The following HTR2C variants were observed in gnomAD, a reference collection of about 807,000 sequenced individuals.
HTR2C encodes 5-hydroxytryptamine (serotonin) receptor 2C, G protein-coupled.
In HTR2C, 5 loss-of-function variants were observed where a neutral mutation model predicts 21.0. That is an observed-to-expected ratio of 0.24 (90% CI 0.12 to 0.50). The LOEUF (loss-of-function observed/expected upper bound fraction) is 0.50, where lower values mean the gene tolerates loss of function less well. Ranked by LOEUF, HTR2C falls within the 20% of genes least tolerant of loss-of-function variation. The probability of loss-of-function intolerance (pLI) is 0.98; values close to 1 mark genes in which losing one functional copy is unlikely to be tolerated. For missense variants in HTR2C, 271 were observed against 371.2 expected, an observed-to-expected ratio of 0.73 and a Z score of 2.22; for synonymous variants, 150 against 145.3, an observed-to-expected ratio of 1.03 and a Z score of -0.23.
intron 4 of HTR2C, among the ~76,000 whole-genome samples, chrX:114,764,797 G>T (rs1005242274): frequency 2.7e-5 from 3 of 111,157 alleles, no homozygotes; most frequent in Non-Finnish European, 3.8e-5. Context: ...GTAGTGTCCA[G>T]TTCTGGTGAT....
At position 114,726,852 on chromosome X, in the gene HTR2C, C is replaced by A. The variant is rs1933512440; in HGVS notation, c.-79-6C>A. On this transcript the variant is annotated splice_polypyrimidine_tract_variant and splice_region_variant and intron_variant, in intron 2 of 5. Transcript: ENST00000276198. ...AATTTTCTCTTTCTTCTTTTTCTCT[C>A]CCCAGAAAGGATGATATGATGAACC... The A allele has an allele frequency of 5.2e-6, 3 of 579,602 alleles. No individual in the cohort carries two copies. Among genetic ancestry groups the A allele is most frequent in the Admixed American group, 8.6e-5 (2 of 23,164 alleles). The allele number at this position is 579,602 out of a possible 1,213,427, so 47.8% of individuals were successfully genotyped here.
At chrX:114,831,756 G>C (rs2070730720) in intron 4 of HTR2C, among the ~76,000 whole-genome samples, 1 of 105,785 alleles carries the variant, frequency 9.5e-6, no homozygotes, top group African/African-American at 3.4e-5. Flanking sequence ...TGATGTTTTA[G>C]ACATGAAGTC....
In HTR2C at chrX:114,695,592, A is replaced by G. The variant is rs184523936; in HGVS notation, c.-79-31266A>G. Among the ~76,000 whole-genome samples, 678 of 112,207 alleles carry G rather than the reference A, an allele frequency of 6.0e-3. 1 individual carries two copies. Among genetic ancestry groups the G allele is most frequent in the Non-Finnish European group, 9.5e-3 (506 of 53,250 alleles). ...GTATTATATAATTCCTAGCACCATG[A>G]TATTTATTCACTGAAATCTTTTGAA... On this transcript the variant is annotated intron_variant, in intron 2 of 5. Coordinates refer to ENST00000276198, the MANE Select transcript of HTR2C (RefSeq NM_000868.4).
chrX:114,679,271 T>A (rs1344577753), intron 2 of HTR2C, among the ~76,000 whole-genome samples: 5 of 110,835 alleles, frequency 4.5e-5, no homozygotes, highest in African/African-American at 1.6e-4. Flanking sequence ...ATTTTTATTT[T>A]TTAAATTTAT....
intron 5 of HTR2C, among the ~76,000 whole-genome samples, chrX:114,890,231 T>C (rs2071249235): frequency 8.9e-6 from 1 of 112,066 alleles, no homozygotes; most frequent in Admixed American, 9.5e-5. Flanking sequence ...TCTACTTACT[T>C]CTTAGAACAA....
Position 114,725,566 on chromosome X carries a change from C to T in HTR2C, c.-79-1292C>T, listed in dbSNP as rs782354812. Among the ~76,000 whole-genome samples the T allele has an allele frequency of 4.4e-5, 5 of 112,414 alleles. No individual in the cohort carries two copies. The South Asian group carries it at 1.1e-3, about 25-fold the overall frequency. ...TTCTTCCATTGCTGGTGAGGAACTG[C>T]GTTCCTTTGGAGGAGGAGAGGCGCT... On this transcript the variant is annotated intron_variant, in intron 2 of 5. Transcript: ENST00000276198.
chrX:114,834,185 G>T (rs2147473895), intron 4 of HTR2C, among the ~76,000 whole-genome samples: 1 of 110,438 alleles, frequency 9.1e-6, no homozygotes, highest in Admixed American at 9.6e-5. Flanking sequence ...CTGTTGATTT[G>T]GGGTGGAGAG....
At chrX:114,715,442 A>G (rs1390135624) in intron 2 of HTR2C, 9 of 262,777 alleles carry the variant, frequency 3.4e-5, no homozygotes, top group South Asian at 1.6e-4. Flanking sequence ...TTGTGGGTGA[A>G]GAGACACCAT....
rs782284059 is a variant in HTR2C at position 114,715,763 on chromosome X, C to T, written c.-79-11095C>T. 1.3e-4 allele frequency among the ~76,000 whole-genome samples: 15 copies of T among 112,111 alleles called. No homozygotes were observed. In the South Asian group the frequency reaches 5.5e-3, roughly 41 times the overall value. Reference sequence around the variant, plus strand: ...ATCCATCTAATGTATTTACCCCAATCACTCTTTATCTCATGATGCAATTTC... The same window carrying T: ...ATCCATCTAATGTATTTACCCCAATTACTCTTTATCTCATGATGCAATTTC... On this transcript the variant is annotated intron_variant, in intron 2 of 5. Coordinates refer to ENST00000276198, the MANE Select transcript of HTR2C (RefSeq NM_000868.4).
At chrX:114,667,635 GA>G (rs1556411085) in intron 2 of HTR2C, among the ~76,000 whole-genome samples, 1 of 111,809 alleles carries the variant, frequency 8.9e-6, no homozygotes, top group Non-Finnish European at 1.9e-5. Flanking sequence ...ATGGAAGGTA[GA>G]ATGGAAGATG....
At chrX:114,898,556 G>C (rs988080639) in intron 5 of HTR2C, among the ~76,000 whole-genome samples, 5 of 111,866 alleles carry the variant, frequency 4.5e-5, no homozygotes, top group African/African-American at 1.6e-4. Context: ...AATCCATCTT[G>C]AGTTGATTAT....
At chrX:114,804,474 G>A (rs1322402881) in intron 4 of HTR2C, among the ~76,000 whole-genome samples, 1 of 111,926 alleles carries the variant, frequency 8.9e-6, no homozygotes, top group African/African-American at 3.2e-5. Flanking sequence ...ATAGCCAAGA[G>A]ACTTTAAAGT....
chrX:114,589,684 G>A (rs1927554586), intron 1 of HTR2C: 1 of 231,374 alleles, frequency 4.3e-6, no homozygotes, highest in Admixed American at 4.5e-5. Flanking sequence ...CCCACAAAAC[G>A]ACACAGTACA....
At chrX:114,863,164 A>G (rs1289437516) in intron 5 of HTR2C, among the ~76,000 whole-genome samples, 1 of 111,684 alleles carries the variant, frequency 9.0e-6, no homozygotes, top group Non-Finnish European at 1.9e-5. Flanking sequence ...GAGTGCAGAT[A>G]TCTCTTCAAT....
chrX:114,792,990 G>A (rs782209883), intron 4 of HTR2C, among the ~76,000 whole-genome samples: 31 of 111,594 alleles, frequency 2.8e-4, no homozygotes, highest in Non-Finnish European at 4.9e-4. Context: ...GTTCATTTAA[G>A]TTCCTTTTAA....
intron 5 of HTR2C, among the ~76,000 whole-genome samples, chrX:114,904,994 G>C (rs781922433): frequency 2.7e-5 from 3 of 109,883 alleles, no homozygotes; most frequent in Admixed American, 2.0e-4. Context: ...ATCAAACTTG[G>C]TGAAAAATCA....
At chrX:114,683,053 A>C (rs1439062938) in intron 2 of HTR2C, among the ~76,000 whole-genome samples, 6 of 112,049 alleles carry the variant, frequency 5.4e-5, no homozygotes, top group Non-Finnish European at 1.1e-4. Flanking sequence ...TATGATCGTA[A>C]TATGATCAGA....
rs2070890648 is a variant in HTR2C, at chrX:114,848,355, T to A, written c.550+152T>A. On this transcript the variant is annotated intron_variant, in intron 5 of 5. Coordinates refer to ENST00000276198, the MANE Select transcript of HTR2C (RefSeq NM_000868.4). ...AATTATTCTTAACCTATTTATCTGATATTTAGGTTAACAATAATGAAAGGA... is the reference window on the plus strand; with the variant it reads ...AATTATTCTTAACCTATTTATCTGAAATTTAGGTTAACAATAATGAAAGGA... The A allele has an allele frequency of 7.5e-6, 3 of 399,232 alleles. No homozygotes were observed. The East Asian group carries it at 1.2e-4, about 16-fold the overall frequency. 32.9% of individuals were successfully genotyped at this position (399,232 alleles called of 1,213,427 possible).
intron 4 of HTR2C, among the ~76,000 whole-genome samples, chrX:114,805,902 T>TCATATATATACCATATATATATATACAC (rs2070416538): frequency 5.5e-5 from 2 of 36,392 alleles, no homozygotes; most frequent in African/African-American, 2.0e-4. Context: ...TATATATACA[T>TCATATATATACCATATATATATATACAC]CATATATATA....
Sources: gnomAD v4.1 joint callset for allele counts (sites outside exome capture counted in the v4.1 genomes callset) on GRCh38, gnomAD v4.1.1 for gene constraint, MANE v1.5 for transcripts, NCBI Gene and HGNC (gene_info 2026-07-23, HGNC 2026-07-21) for gene names.